The following LMX1A variants were observed in gnomAD, a reference collection of about 807,000 sequenced individuals.
LMX1A encodes the protein LIM homeobox transcription factor 1-alpha.
A neutral mutation model predicts 49.1 loss-of-function variants in LMX1A; 15 were observed. The ratio of observed to expected loss-of-function variants is 0.31; its 90% CI spans 0.20 to 0.47. The LOEUF (loss-of-function observed/expected upper bound fraction) is 0.47. Ranked by LOEUF, LMX1A falls within the 20% of genes least tolerant of loss-of-function variation. The probability of loss-of-function intolerance (pLI) is 1.00; values close to 1 mark genes in which losing one functional copy is unlikely to be tolerated. For missense variants in LMX1A, 372 were observed against 475.8 expected, an observed-to-expected ratio of 0.78 and a Z score of 2.03; for synonymous variants, 167 against 185.7, an observed-to-expected ratio of 0.90 and a Z score of 0.82.
chr1:165,237,954 T>C (rs773094911), intron 4 of LMX1A, among the ~76,000 whole-genome samples: 16 of 152,162 alleles, frequency 1.1e-4, no homozygotes, highest in Non-Finnish European at 2.4e-4. Context: ...TATTACACAA[T>C]AGAAAGTGAG....
intron 4 of LMX1A, among the ~76,000 whole-genome samples, chr1:165,220,493 T>G (rs1342920234): frequency 1.3e-5 from 2 of 152,126 alleles, no homozygotes; most frequent in Non-Finnish European, 2.9e-5. Flanking sequence ...ATGGAAGGTC[T>G]TATTGGAGCC....
At chr1:165,294,651 A>G (rs1226307003) in intron 3 of LMX1A, among the ~76,000 whole-genome samples, 1 of 152,240 alleles carries the variant, frequency 6.6e-6, no homozygotes, top group Non-Finnish European at 1.5e-5. Flanking sequence ...GATAAAAGCT[A>G]TGGTCCTTCT....
At chr1:165,266,700 C>T (rs1653632731) in intron 3 of LMX1A, among the ~76,000 whole-genome samples, 1 of 137,648 alleles carries the variant, frequency 7.3e-6, no homozygotes, top group African/African-American at 2.7e-5. Flanking sequence ...CTCCCGGGTT[C>T]ACGCCATTCT....
At chr1:165,280,951 A>G (rs1477403587) in intron 3 of LMX1A, among the ~76,000 whole-genome samples, 1 of 152,110 alleles carries the variant, frequency 6.6e-6, no homozygotes, top group African/African-American at 2.4e-5. Flanking sequence ...CCAGATTATG[A>G]TCCTGATGGA....
chr1:165,338,621 C>A (rs547812702), intron 3 of LMX1A, among the ~76,000 whole-genome samples: 2 of 152,348 alleles, frequency 1.3e-5, no homozygotes, highest in South Asian at 4.2e-4. Flanking sequence ...CTACCCAAGT[C>A]TCCCTTCTAG....
At chr1:165,257,973 G>A (rs1277780633) in intron 3 of LMX1A, among the ~76,000 whole-genome samples, 1 of 152,220 alleles carries the variant, frequency 6.6e-6, no homozygotes, top group Non-Finnish European at 1.5e-5. Flanking sequence ...GTCTACTACA[G>A]TTCAGCTGTC....
rs529637737 is a variant in LMX1A, at chr1:165,333,585, A to T, written c.263+19491T>A. 1.8e-4 allele frequency among the ~76,000 whole-genome samples: 28 copies of T among 152,356 alleles called. No homozygotes were observed. In the East Asian group the frequency reaches 1.9e-3, roughly 10 times the overall value. ...TTTTAAATTTGAATTTAAAATTTTT[A>T]AAAATTTCCCATTGCATTCACTGTC... On this transcript the variant is annotated intron_variant, in intron 3 of 8. Transcript: ENST00000342310.
intron 3 of LMX1A, among the ~76,000 whole-genome samples, chr1:165,343,161 A>G (rs886092891): frequency 5.3e-4 from 81 of 152,286 alleles, no homozygotes; most frequent in Non-Finnish European, 3.8e-4. Context: ...TGCATTTCAA[A>G]TATTAAACAA....
intron 3 of LMX1A, among the ~76,000 whole-genome samples, chr1:165,262,619 C>G (rs1368160587): frequency 1.3e-5 from 2 of 152,168 alleles, no homozygotes; most frequent in East Asian, 3.8e-4. Flanking sequence ...TCCTACACTC[C>G]TATCAAGGGC....
intron 3 of LMX1A, among the ~76,000 whole-genome samples, chr1:165,348,821 G>A (rs141373266): frequency 2.2e-4 from 33 of 152,264 alleles, no homozygotes; most frequent in African/African-American, 7.7e-4. Flanking sequence ...TTTCACCACA[G>A]GGCTGCCAAT....
chr1:165,318,690 C>G (rs1042372498), intron 3 of LMX1A, among the ~76,000 whole-genome samples: 1 of 151,928 alleles, frequency 6.6e-6, no homozygotes, highest in African/African-American at 2.4e-5. Flanking sequence ...ATTCTTTGGC[C>G]TTTTACCCTT....
intron 4 of LMX1A, among the ~76,000 whole-genome samples, chr1:165,230,893 G>C (rs1158385654): frequency 6.6e-6 from 1 of 152,110 alleles, no homozygotes; most frequent in Non-Finnish European, 1.5e-5. Context: ...TCCAATTCAG[G>C]GTCCTGCTGA....
Position 165,355,398 on chromosome 1 carries a change from C to A in LMX1A, c.76+86G>T, listed in dbSNP as rs960164735. The A allele has an allele frequency of 1.5e-6, 2 of 1,324,530 alleles. No homozygotes were observed. The highest frequency in any genetic ancestry group is 1.8e-5 in the Admixed American group (1 of 54,116). 82.0% of individuals were successfully genotyped at this position (1,324,530 alleles called of 1,614,324 possible). ...AAGAGGGGCGCTAGCTTCCCTATCG[C>A]GGACCAGGTCCCAGAGAGCGGGGCT... On this transcript the variant is annotated intron_variant, in intron 2 of 8. Transcript: ENST00000342310. The surrounding 1 kb of genome is among the most constrained non-coding windows in gnomAD (Gnocchi z 4.7).
intron 4 of LMX1A, among the ~76,000 whole-genome samples, chr1:165,227,683 C>T (rs1283882625): frequency 6.6e-6 from 1 of 152,100 alleles, no homozygotes; most frequent in Non-Finnish European, 1.5e-5. Context: ...CTTATTTTCC[C>T]CAAATTTCAG....
At chr1:165,322,198 GA>G (rs1419084524) in intron 3 of LMX1A, among the ~76,000 whole-genome samples, 3 of 152,042 alleles carry the variant, frequency 2.0e-5, no homozygotes, top group Admixed American at 2.0e-4. Context: ...AGGATATGGA[GA>G]AATTGTAACC....
intron 3 of LMX1A, among the ~76,000 whole-genome samples, chr1:165,263,383 T>C (rs189364028): frequency 5.3e-5 from 8 of 152,304 alleles, no homozygotes; most frequent in African/African-American, 7.2e-5. Context: ...TCCATTTCCA[T>C]TGATGGATGG....
chr1:165,274,142 C>T (rs941372071), intron 3 of LMX1A, among the ~76,000 whole-genome samples: 2 of 152,208 alleles, frequency 1.3e-5, no homozygotes, highest in Non-Finnish European at 2.9e-5. Flanking sequence ...CAGTGCACAC[C>T]TGCCTGGGTT....
At chr1:165,213,940 T>TGTG in intron 4 of LMX1A, 127 bp from the exon 5 acceptor site, 1 of 786,890 alleles carries the variant, frequency 1.3e-6, no homozygotes, top group African/African-American at 1.7e-5. Flanking sequence ...CAATAATCTA[T>TGTG]GTGGTATTGC....
intron 3 of LMX1A, among the ~76,000 whole-genome samples, chr1:165,349,866 A>C (rs558888339): frequency 3.9e-4 from 59 of 152,350 alleles, no homozygotes; most frequent in African/African-American, 1.4e-3. Flanking sequence ...CTAATAATTC[A>C]AATGCAAAAC....
Sources: gnomAD v4.1 joint callset for allele counts (sites outside exome capture counted in the v4.1 genomes callset) on GRCh38, gnomAD v4.1.1 for gene constraint, Gnocchi (gnomAD v3.1) non-coding constraint, MANE v1.5 for transcripts, NCBI Gene and HGNC (gene_info 2026-07-23, HGNC 2026-07-21) for gene names.